UNC13C: variants seen among roughly 807,000 people sequenced by gnomAD.
UNC13C encodes the protein protein unc-13 homolog C.
A neutral mutation model predicts 245.4 loss-of-function variants in UNC13C; 174 were observed. The observed-to-expected ratio is 0.71, with a 90% CI of 0.63 to 0.80. The LOEUF is 0.80. Among genes scored for constraint, UNC13C ranks in the 30% least tolerant of loss-of-function variants. UNC13C has a pLI of 0.00. For synonymous variants in UNC13C, 992 were observed against 895.1 expected (o/e 1.11, Z -1.93); for missense variants, 2,829 against 2,602.9 (o/e 1.09, Z -1.89).
intron 2 of UNC13C, among the ~76,000 whole-genome samples, chr15:54,070,653 C>T (rs1898278957): frequency 6.6e-6 from 1 of 152,066 alleles, no homozygotes; most frequent in South Asian, 2.1e-4. Flanking sequence ...ATACTTGGAC[C>T]ATGCATGTTC....
intron 30 of UNC13C, among the ~76,000 whole-genome samples, chr15:54,600,797 T>A (rs1186415363): frequency 6.6e-6 from 1 of 152,074 alleles, no homozygotes; most frequent in African/African-American, 2.4e-5. Flanking sequence ...GTTAACTGAG[T>A]GTCCATCATG....
At chr15:54,552,645 AT>A (rs1461577624) in intron 28 of UNC13C, among the ~76,000 whole-genome samples, 1 of 80,560 alleles carries the variant, frequency 1.2e-5, no homozygotes, top group Non-Finnish European at 2.0e-5. Flanking sequence ...ATATAATATA[AT>A]TATATAATTA....
chr15:54,521,854 T>C (rs993939717), intron 24 of UNC13C, among the ~76,000 whole-genome samples: 1 of 152,248 alleles, frequency 6.6e-6, no homozygotes, highest in African/African-American at 2.4e-5. Context: ...AGGGAATTTT[T>C]ATGCTTCTGT....
At chr15:54,453,598 A>G (rs1016931448) in intron 19 of UNC13C, among the ~76,000 whole-genome samples, 3 of 152,144 alleles carry the variant, frequency 2.0e-5, no homozygotes, top group Admixed American at 6.5e-5. Flanking sequence ...CCTTTTCCTC[A>G]TTTTGTTTAC....
At chr15:54,372,967 A>G (rs1033758236) in intron 17 of UNC13C, among the ~76,000 whole-genome samples, 8 of 152,200 alleles carry the variant, frequency 5.3e-5, no homozygotes, top group African/African-American at 1.4e-4. Context: ...CTCTAGAGAG[A>G]CATACCTGTA....
chr15:53,883,102 G>A, the UNC13C span, among the ~76,000 whole-genome samples: 1 of 152,050 alleles, frequency 6.6e-6, no homozygotes, highest in Admixed American at 6.6e-5. Context: ...GAGCACTATA[G>A]CTACCACACC....
At chr15:54,046,135 A>T (rs1595762586) in intron 2 of UNC13C, among the ~76,000 whole-genome samples, 1 of 152,044 alleles carries the variant, frequency 6.6e-6, no homozygotes, top group Non-Finnish European at 1.5e-5. Context: ...GCTACATAAT[A>T]CCCCTTTCTG....
intron 29 of UNC13C, 70 bp from the exon 30 acceptor site, chr15:54,567,730 A>G: frequency 7.3e-7 from 1 of 1,366,194 alleles, no homozygotes; most frequent in South Asian, 1.5e-5. Context: ...GAGCTTCTCT[A>G]TTAGAGTAAT....
At chr15:54,004,022 C>T (rs1417239336) in intron 1 of UNC13C, among the ~76,000 whole-genome samples, 1 of 152,074 alleles carries the variant, frequency 6.6e-6, no homozygotes, top group Non-Finnish European at 1.5e-5. Flanking sequence ...AACAAACAAA[C>T]AAACAAAACA....
chr15:53,988,403 A>C (rs1216058712), intron 1 of UNC13C, among the ~76,000 whole-genome samples: 1 of 152,016 alleles, frequency 6.6e-6, no homozygotes, highest in South Asian at 2.1e-4. Context: ...ACATAAAAAA[A>C]TAACAAAATT....
chr15:54,245,152 T>A (rs1009448575), intron 7 of UNC13C, among the ~76,000 whole-genome samples: 2 of 152,120 alleles, frequency 1.3e-5, no homozygotes, highest in Non-Finnish European at 2.9e-5. Flanking sequence ...GTATTTTTAG[T>A]TTCATGTATT....
At position 54,627,161 on chromosome 15, in the gene UNC13C, C is replaced by T; in HGVS notation, c.*48C>T. On this transcript the variant is annotated 3_prime_UTR_variant, in exon 33 of 33. Coordinates refer to ENST00000260323, the MANE Select transcript of UNC13C (RefSeq NM_001080534.3). ...CATAACTATAATTGTTTGACTACTG[C>T]ATGCATGTGCAAATACATGGGAATG... 6.6e-7 allele frequency: 1 copy of T among 1,515,390 alleles called. No individual in the cohort carries two copies. The highest frequency in any genetic ancestry group is 8.9e-7 in the Non-Finnish European group (1 of 1,122,534). 93.9% of individuals were successfully genotyped at this position (1,515,390 alleles called of 1,614,324 possible). A position where few individuals can be genotyped will look rare whatever the true frequency, so the allele number is the denominator to read the frequency against.
chr15:54,052,537 T>C lies in UNC13C; in HGVS notation c.2983+36651T>C, dbSNP rs151189496. The stretch of plus-strand genomic sequence containing the variant: ...GACTTTAAATCTCACTTGCTGACTT[T>C]GAAAATTTTTGTTGGTATTTTACAG... On this transcript the variant is annotated intron_variant, in intron 2 of 32. Transcript: ENST00000260323. Among the ~76,000 whole-genome samples the C allele has an allele frequency of 1.6e-4, 24 of 152,348 alleles. No individual in the cohort carries two copies. In the East Asian group the frequency reaches 4.4e-3, roughly 28 times the overall value.
At chr15:54,602,406 T>G (rs1322817817) in intron 30 of UNC13C, among the ~76,000 whole-genome samples, 1 of 152,148 alleles carries the variant, frequency 6.6e-6, no homozygotes, top group Non-Finnish European at 1.5e-5. Context: ...CCCTCCTTAC[T>G]TTCATGGAAG....
intron 4 of UNC13C, among the ~76,000 whole-genome samples, chr15:54,160,071 T>A (rs2032912341): frequency 6.6e-6 from 1 of 151,734 alleles, no homozygotes; most frequent in African/African-American, 2.4e-5. Context: ...ATATGATACA[T>A]CACGGAAAAC....
At chr15:54,038,124 A>ATCTTTTTTTTTTTTT in intron 2 of UNC13C, among the ~76,000 whole-genome samples, 1 of 45,040 alleles carries the variant, frequency 2.2e-5, no homozygotes, top group Non-Finnish European at 3.5e-5. Context: ...ATATATATAT[A>ATCTTTTTTTTTTTTT]TTTTTTTTTT....
At chr15:54,133,441 A>G (rs186358851) in intron 2 of UNC13C, among the ~76,000 whole-genome samples, 1 of 152,264 alleles carries the variant, frequency 6.6e-6, no homozygotes, top group East Asian at 1.9e-4. Flanking sequence ...TTTATTTTAA[A>G]TTGTTTGTGG....
At chr15:54,275,712 G>T (rs534579926) in intron 10 of UNC13C, among the ~76,000 whole-genome samples, 5 of 152,128 alleles carry the variant, frequency 3.3e-5, no homozygotes, top group Non-Finnish European at 5.9e-5. Context: ...CTGGAATTCT[G>T]TTGTTGGTGG....
chr15:54,114,738 GT>G (rs1487432329), intron 2 of UNC13C, among the ~76,000 whole-genome samples: 4 of 152,076 alleles, frequency 2.6e-5, no homozygotes, highest in Non-Finnish European at 5.9e-5. Flanking sequence ...AGATTAGCAA[GT>G]TTAAAACTTA....
Sources: gnomAD v4.1 joint callset for allele counts (sites outside exome capture counted in the v4.1 genomes callset) on GRCh38, gnomAD v4.1.1 for gene constraint, MANE v1.5 for transcripts, NCBI Gene and HGNC (gene_info 2026-07-23, HGNC 2026-07-21) for gene names.